The following PDE1A variants were observed in gnomAD, a reference collection of about 807,000 sequenced individuals.
PDE1A encodes dual specificity calcium/calmodulin-dependent 3',5'-cyclic nucleotide phosphodiesterase 1A.
A neutral mutation model predicts 61.7 loss-of-function variants in PDE1A; 35 were observed. That is an observed-to-expected ratio of 0.57 (90% CI 0.43 to 0.75). The LOEUF (loss-of-function observed/expected upper bound fraction) is 0.75, where lower values mean the gene tolerates loss of function less well. Among genes scored for constraint, PDE1A ranks in the 30% least tolerant of loss-of-function variants. The pLI is 0.00. For missense variants in PDE1A, 597 were observed against 630.6 expected (o/e 0.95, Z 0.57); for synonymous variants, 232 against 213.2 (o/e 1.09, Z -0.77).
At chr2:182,501,025 C>G (rs1689055006) in intron 2 of PDE1A, among the ~76,000 whole-genome samples, 1 of 152,134 alleles carries the variant, frequency 6.6e-6, no homozygotes. Flanking sequence ...GTCTTGGTAA[C>G]AAAATCATCA....
intron 7 of PDE1A, among the ~76,000 whole-genome samples, chr2:182,212,730 A>G (rs776841637): frequency 6.6e-6 from 1 of 152,204 alleles, no homozygotes; most frequent in African/African-American, 2.4e-5. Context: ...ATGGCGCACC[A>G]CGAGATTATA....
chr2:182,419,497 G>A (rs992919871), intron 1 of PDE1A, among the ~76,000 whole-genome samples: 5 of 151,800 alleles, frequency 3.3e-5, no homozygotes, highest in Non-Finnish European at 7.4e-5. Context: ...CACCACATCC[G>A]GCTAATTTGA....
At chr2:182,471,083 G>C (rs1375965073) in intron 2 of PDE1A, among the ~76,000 whole-genome samples, 1 of 151,668 alleles carries the variant, frequency 6.6e-6, no homozygotes, top group African/African-American at 2.4e-5. Context: ...AATTTTTTAA[G>C]TGGTAACATG....
intron 1 of PDE1A, among the ~76,000 whole-genome samples, chr2:182,325,448 A>G (rs1363468558): frequency 1.3e-5 from 2 of 152,212 alleles, no homozygotes; most frequent in Non-Finnish European, 2.9e-5. Flanking sequence ...GGGTAATGAA[A>G]CAAAACAATG....
At chr2:182,661,967 A>C in the PDE1A span, among the ~76,000 whole-genome samples, 1 of 151,954 alleles carries the variant, frequency 6.6e-6, no homozygotes, top group East Asian at 1.9e-4. Context: ...AATCCAAAGA[A>C]AATTTTACTA....
intron 3 of PDE1A, among the ~76,000 whole-genome samples, chr2:182,238,800 T>C (rs759954269): frequency 2.6e-5 from 4 of 152,204 alleles, no homozygotes; most frequent in Non-Finnish European, 5.9e-5. Flanking sequence ...TATGAAAAAA[T>C]TGAAATTTAG....
chr2:182,477,451 C>T (rs760662863), intron 2 of PDE1A, among the ~76,000 whole-genome samples: 8 of 151,820 alleles, frequency 5.3e-5, no homozygotes, highest in Non-Finnish European at 1.2e-4. Context: ...AATTGAGGCT[C>T]AGAAAGGTCA....
At chr2:182,659,295 C>A in the PDE1A span, among the ~76,000 whole-genome samples, 37 of 152,228 alleles carry the variant, frequency 2.4e-4, no homozygotes, top group African/African-American at 8.7e-4. Flanking sequence ...GCTGAGAAAT[C>A]CTTGAATAAA....
intron 2 of PDE1A, among the ~76,000 whole-genome samples, chr2:182,248,058 C>T (rs1361341865): frequency 6.6e-6 from 1 of 151,988 alleles, no homozygotes. Flanking sequence ...TGTGTCAAGA[C>T]CAGCCTGGCC....
chr2:182,690,045 A>G, the PDE1A span, among the ~76,000 whole-genome samples: 1 of 152,210 alleles, frequency 6.6e-6, no homozygotes, highest in Admixed American at 6.5e-5. Context: ...TTAACAGCTT[A>G]CCAACCAAAA....
rs141953387 is a variant in PDE1A at position 182,198,552 on chromosome 2, C to T, written c.1125+2887G>A. On this transcript the variant is annotated intron_variant, in intron 10 of 13. Transcript: ENST00000351439. ...AACAGTTTTTATAATTAATGTCTGT[C>T]GAATATTGTCAAATGCATTTTGCAT... is the stretch of plus-strand genomic sequence containing the variant. 9.5e-4 allele frequency among the ~76,000 whole-genome samples: 144 copies of T among 151,712 alleles called. 2 individuals are homozygous for T. Among genetic ancestry groups the T allele is most frequent in the South Asian group, 8.3e-3 (40 of 4,820 alleles).
chr2:182,576,372 CTTG>C, the PDE1A span, among the ~76,000 whole-genome samples: 1 of 152,096 alleles, frequency 6.6e-6, no homozygotes, highest in Admixed American at 6.5e-5. Context: ...AAGATTCATC[CTTG>C]TTGTAGAATA....
chr2:182,205,475 C>G (rs1687019417), intron 8 of PDE1A, among the ~76,000 whole-genome samples: 1 of 151,376 alleles, frequency 6.6e-6, no homozygotes, highest in South Asian at 2.1e-4. Flanking sequence ...TGTAAGATTT[C>G]CTCTGCACTT....
At chr2:182,683,921 A>C in the PDE1A span, among the ~76,000 whole-genome samples, 1 of 152,110 alleles carries the variant, frequency 6.6e-6, no homozygotes, top group Non-Finnish European at 1.5e-5. Flanking sequence ...GGAGATCGAG[A>C]CCAGCCAGAC....
the PDE1A span, among the ~76,000 whole-genome samples, chr2:182,694,358 G>T: frequency 6.6e-6 from 1 of 152,180 alleles, no homozygotes; most frequent in Non-Finnish European, 1.5e-5. Context: ...TGCCAGTACT[G>T]CAGAGTCTTG....
At chr2:182,606,995 C>T in the PDE1A span, among the ~76,000 whole-genome samples, 1 of 152,040 alleles carries the variant, frequency 6.6e-6, no homozygotes, top group Admixed American at 6.5e-5. Context: ...AAATCCATCT[C>T]CCTGATGGTC....
At chr2:182,415,544 G>C (rs1702863854) in intron 1 of PDE1A, among the ~76,000 whole-genome samples, 1 of 152,028 alleles carries the variant, frequency 6.6e-6, no homozygotes, top group African/African-American at 2.4e-5. Flanking sequence ...CTGCTGTCTA[G>C]GAAAATGTTA....
the PDE1A span, among the ~76,000 whole-genome samples, chr2:182,663,393 A>G: frequency 2.0e-5 from 3 of 152,202 alleles, no homozygotes; most frequent in African/African-American, 4.8e-5. Flanking sequence ...TTGCAGCACT[A>G]TTAATAATAG....
chr2:182,672,161 T>A, the PDE1A span, among the ~76,000 whole-genome samples: 1,284 of 152,342 alleles, frequency 8.4e-3, 22 homozygotes, highest in African/African-American at 0.03. Context: ...AGGTATTTTT[T>A]AAAATACTGG....
Sources: allele counts gnomAD v4.1 joint callset (sites outside exome capture counted in the v4.1 genomes callset), GRCh38; gene constraint gnomAD v4.1.1; transcripts MANE v1.5; gene names NCBI Gene and HGNC (gene_info 2026-07-23, HGNC 2026-07-21).